The following GLDC variants were observed in gnomAD, a reference collection of about 807,000 sequenced individuals.
GLDC encodes the protein glycine decarboxylase, also known as glycine dehydrogenase (decarboxylating), mitochondrial.
Under a neutral mutation model 121.3 loss-of-function variants are expected in GLDC, and 104 were observed. That is an observed-to-expected ratio of 0.86 (90% CI 0.73 to 1.01). The LOEUF is 1.01. Among genes scored for constraint, GLDC ranks in the 50% least tolerant of loss-of-function variants. The pLI is 0.00. For synonymous variants in GLDC, 546 were observed against 480.6 expected, an observed-to-expected ratio of 1.14 and a Z score of -1.78; for missense variants, 1,429 against 1,306.6, an observed-to-expected ratio of 1.09 and a Z score of -1.44.
intron 15 of GLDC, chr9:6,567,470 G>A (rs1817876153): frequency 6.6e-6 from 1 of 152,194 alleles, no homozygotes; most frequent in Non-Finnish European, 1.5e-5. Flanking sequence ...GATGTGTAGT[G>A]AGATCATCAA....
intron 2 of GLDC, among the ~76,000 whole-genome samples, chr9:6,641,517 G>C (rs1472836293): frequency 6.6e-6 from 1 of 152,220 alleles, no homozygotes; most frequent in Non-Finnish European, 1.5e-5. Flanking sequence ...ATGGAGTGTG[G>C]ACAGTGGAGC....
chr9:6,638,334 C>T (rs112114837), intron 2 of GLDC, among the ~76,000 whole-genome samples: 52 of 152,056 alleles, frequency 3.4e-4, no homozygotes, highest in African/African-American at 1.1e-3. Context: ...TCGGCCTCAG[C>T]GTCCCAAGTA....
intron 4 of GLDC, 126 bp from the exon 5 acceptor site, chr9:6,606,795 G>C (rs147868538): frequency 1.4e-6 from 1 of 727,510 alleles, no homozygotes; most frequent in Non-Finnish European, 2.5e-6. Context: ...TGAGTAGGCC[G>C]GGTGCGGTGG....
At chr9:6,594,620 G>A (rs935329774) in intron 9 of GLDC, among the ~76,000 whole-genome samples, 5 of 152,094 alleles carry the variant, frequency 3.3e-5, no homozygotes, top group Non-Finnish European at 5.9e-5. Context: ...ACATGAATCC[G>A]GGAAGTGGAG....
intron 19 of GLDC, 86 bp downstream of exon 19, chr9:6,554,583 G>C (rs1563834905): frequency 2.1e-6 from 2 of 937,300 alleles, no homozygotes; most frequent in East Asian, 5.2e-5. Flanking sequence ...AACACATGAA[G>C]ACTTTGATGG....
chr9:6,557,697 C>T (rs1817664233), intron 17 of GLDC: 1 of 151,314 alleles, frequency 6.6e-6, no homozygotes, highest in South Asian at 2.1e-4. Context: ...TTTATTCTTT[C>T]CTTTTACAGA....
At chr9:6,606,939 T>C (rs370301372) in intron 4 of GLDC, among the ~76,000 whole-genome samples, 3 of 152,062 alleles carry the variant, frequency 2.0e-5, no homozygotes, top group East Asian at 1.9e-4. Context: ...GGTGCATGCC[T>C]GTAATCCCGG....
intron 19 of GLDC, among the ~76,000 whole-genome samples, chr9:6,554,448 G>C (rs1304593248): frequency 2.0e-5 from 3 of 152,202 alleles, no homozygotes; most frequent in African/African-American, 7.2e-5. Flanking sequence ...TGGAAGCTCA[G>C]TGAGGCCAGA....
intron 23 of GLDC, among the ~76,000 whole-genome samples, chr9:6,535,018 T>C (rs1454710389): frequency 6.6e-6 from 1 of 152,256 alleles, no homozygotes; most frequent in Non-Finnish European, 1.5e-5. Flanking sequence ...ATGAGCATTC[T>C]GTCATATTTG....
intron 18 of GLDC, among the ~76,000 whole-genome samples, chr9:6,555,495 G>A (rs1008085127): frequency 5.3e-5 from 8 of 152,054 alleles, no homozygotes; most frequent in East Asian, 1.9e-4. Context: ...GAGGTCGGGC[G>A]TGGTGGATCA....
At chr9:6,618,914 C>T (rs1260156948) in intron 3 of GLDC, among the ~76,000 whole-genome samples, 3 of 151,802 alleles carry the variant, frequency 2.0e-5, no homozygotes, top group Admixed American at 6.6e-5. Flanking sequence ...GAGGCCAAGG[C>T]GGGTGGATCA....
At chr9:6,595,424 T>A (rs1818472713) in intron 8 of GLDC, among the ~76,000 whole-genome samples, 1 of 152,116 alleles carries the variant, frequency 6.6e-6, no homozygotes, top group Non-Finnish European at 1.5e-5. Context: ...CCATCAGACA[T>A]TGAGAAGCAA....
At chr9:6,540,208 T>C in intron 21 of GLDC, 62 bp from the exon 22 acceptor site, 1 of 1,026,488 alleles carries the variant, frequency 9.7e-7, no homozygotes, top group South Asian at 1.3e-5. Flanking sequence ...CCCAAACAAA[T>C]GAATAAGTAA....
chr9:6,558,505 C>G (rs955929604), intron 17 of GLDC, 54 bp downstream of exon 17: 8 of 1,602,318 alleles, frequency 5.0e-6, no homozygotes, highest in Non-Finnish European at 6.8e-6. Flanking sequence ...TCCCTGATCC[C>G]CACCAGCACT....
intron 2 of GLDC, among the ~76,000 whole-genome samples, chr9:6,632,554 A>G (rs1819406556): frequency 6.6e-6 from 1 of 152,274 alleles, no homozygotes; most frequent in Non-Finnish European, 1.5e-5. Context: ...TACATCGTAT[A>G]ACTGAGACTT....
rs201758383 is a variant in GLDC at position 6,588,681 on chromosome 9, A to C, written c.1602T>G (p.Ile534Met). The change falls in exon 13 of 25, where the codon ATT becomes ATG. Residue 534 changes from isoleucine to methionine, a missense_variant. Physicochemically the swap from Ile to Met is conservative, Grantham distance 10 (BLOSUM62 1). Coordinates refer to ENST00000321612, the MANE Select transcript of GLDC (RefSeq NM_000170.3). Reference sequence around the variant, plus strand: ...TTTCCAGTTTCTTCATGTACCGGACAATGTTTGTTTCAGAGTGGTAGCTGT... The same window carrying C: ...TTTCCAGTTTCTTCATGTACCGGACCATGTTTGTTTCAGAGTGGTAGCTGT... Reference protein sequence around the residue: ...VFNSYHSETNIVRYMKKLENK... With the variant: ...VFNSYHSETNMVRYMKKLENK... 1 of 1,613,358 alleles carries C rather than the reference A, an allele frequency of 6.2e-7. No homozygotes were observed. Among genetic ancestry groups the C allele is most frequent in the African/African-American group, 1.3e-5 (1 of 75,026 alleles).
At chr9:6,573,795 T>C (rs533515212) in intron 15 of GLDC, among the ~76,000 whole-genome samples, 1 of 152,198 alleles carries the variant, frequency 6.6e-6, no homozygotes, top group Non-Finnish European at 1.5e-5. Context: ...CCCACTTCAG[T>C]TCATGGCACC....
At chr9:6,644,048 A>AAAAAAAAAAAAC in intron 2 of GLDC, among the ~76,000 whole-genome samples, 1 of 147,620 alleles carries the variant, frequency 6.8e-6, no homozygotes. Flanking sequence ...AAAAAAAAAA[A>AAAAAAAAAAAAC]AACGAAAAAA....
In GLDC at chr9:6,610,405, A is replaced by T. The variant is rs770701184; in HGVS notation, c.471-49T>A. On this transcript the variant is annotated intron_variant, in intron 3 of 24. Transcript: ENST00000321612. ...GTCCAAACTGACTGCTGTTTAGAGA[A>T]GCACACAAAATGCTATCATTTCAGA... The T allele has an allele frequency of 3.8e-6, 6 of 1,587,830 alleles. No homozygotes were observed. In the Admixed American group the frequency reaches 1.0e-4, roughly 27 times the overall value.
Sources: allele counts gnomAD v4.1 joint callset (sites outside exome capture counted in the v4.1 genomes callset), GRCh38; gene constraint gnomAD v4.1.1; transcripts MANE v1.5; gene names NCBI Gene and HGNC (gene_info 2026-07-23, HGNC 2026-07-21).